CYB561D1: variants seen among roughly 807,000 people sequenced by gnomAD.
CYB561D1 encodes the protein probable transmembrane reductase CYB561D1.
A neutral mutation model predicts 19.2 loss-of-function variants in CYB561D1; 15 were observed. The observed-to-expected ratio is 0.78, with a 90% CI of 0.52 to 1.20. The LOEUF (loss-of-function observed/expected upper bound fraction) is 1.20. Among genes scored for constraint, CYB561D1 ranks in the 50% most tolerant of loss-of-function variants. The probability of loss-of-function intolerance (pLI) is 0.00; values close to 1 mark genes in which losing one functional copy is unlikely to be tolerated. For missense variants in CYB561D1, 297 were observed against 287.3 expected (o/e 1.03, Z -0.24); for synonymous variants, 133 against 120.6 (o/e 1.10, Z -0.68).
chr1:109,496,144 C>A lies in CYB561D1; in HGVS notation c.575C>A (p.Ala192Asp), dbSNP rs1657548264. ...GGCATGTACTCAGTATGGTTCCAGG[C>A]CCAGATCAAAGGTGCGGCCTGGTAC... ...LLGMYSVWFQAQIKGAAWYLC... is the reference protein window; with the variant it reads ...LLGMYSVWFQDQIKGAAWYLC... The change falls in exon 3 of 3, where the codon GCC becomes GAC. Residue 192 changes from alanine to aspartate, a missense_variant. Transcript: ENST00000420578. 2 of 1,614,092 alleles carry A rather than the reference C, an allele frequency of 1.2e-6. No homozygotes were observed. The highest frequency in any genetic ancestry group is 1.7e-6 in the Non-Finnish European group (2 of 1,179,928).
chr1:109,494,710 GC>G, intron 1 of CYB561D1: 3 of 642,828 alleles, frequency 4.7e-6, no homozygotes, highest in Non-Finnish European at 4.6e-6. Context: ...GATGGCGCGC[GC>G]CTGTAGTTCC....
intron 1 of CYB561D1, chr1:109,494,564 C>T: frequency 6.9e-7 from 1 of 1,441,552 alleles, no homozygotes; most frequent in South Asian, 1.2e-5. Context: ...AGGCCGGGCG[C>T]GGTGGGTCAT....
rs1229817662 is a variant in CYB561D1 at position 109,494,177 on chromosome 1, C to T, written c.38C>T (p.Ala13Val). The T allele has an allele frequency of 1.3e-6, 2 of 1,550,586 alleles. No homozygotes were observed. The highest frequency in any genetic ancestry group is 4.9e-5 in the East Asian group (2 of 41,094). ...GAGGTAGGTCTGGTTCCCGCTCCAG[C>T]TGGGGAGCCGAGACTGACCCGCTGG... is the stretch of plus-strand genomic sequence containing the variant. ...PLEVGLVPAP[A>V]GEPRLTRWLR... Residue 13 changes from alanine to valine, a missense_variant, in exon 1 of 3, where the codon GCT becomes GTT. Coordinates refer to ENST00000420578, the MANE Select transcript of CYB561D1 (RefSeq NM_182580.3).
chr1:109,495,264 C>G, intron 2 of CYB561D1, 84 bp downstream of exon 2: 1 of 1,491,914 alleles, frequency 6.7e-7, no homozygotes, highest in Non-Finnish European at 9.3e-7. Context: ...GAAAGCTCAG[C>G]CTTTCTAAGG....
Position 109,494,273 on chromosome 1 carries a change from C to T in CYB561D1, c.134C>T (p.Ser45Phe). The T allele has an allele frequency of 6.3e-7, 1 of 1,588,698 alleles. No homozygotes were observed. Among genetic ancestry groups the T allele is most frequent in the South Asian group, 1.1e-5 (1 of 87,292 alleles). ...TTCACCATCTTTCTGACAGCGCTGT[C>T]CCGGCCAGGAACCAGTGAGTGTGCG... ...LGFTIFLTAL[S>F]RPGTSLFSWH... Residue 45 changes from serine (S) to phenylalanine (F), a missense_variant, in exon 1 of 3, where the codon TCC (serine) becomes TTC (phenylalanine). Ser to Phe is a radical substitution (Grantham distance 155). Coordinates refer to ENST00000420578, the MANE Select transcript of CYB561D1 (RefSeq NM_182580.3).
intron 1 of CYB561D1, 153 bp downstream of exon 1, chr1:109,494,440 C>T (rs1657371174): frequency 8.4e-6 from 13 of 1,547,268 alleles, no homozygotes; most frequent in Non-Finnish European, 1.1e-5. Flanking sequence ...GGGGCGGGGC[C>T]CCAGGGATCC....
Position 109,496,353 on chromosome 1 carries a change from GTTTT to G in CYB561D1, c.*95_*98del. ...AGGGATCTATTTAAGAAGTGGTCAG[GTTTT>G]CGCACTTCTTGGCTGGTCCAGGGAC... On this transcript the variant is annotated 3_prime_UTR_variant, in exon 3 of 3. Transcript: ENST00000420578. 8 of 1,425,100 alleles carry G rather than the reference GTTTT, an allele frequency of 5.6e-6. No individual in the cohort carries two copies. In the Admixed American group the frequency reaches 9.6e-5, roughly 17 times the overall value. The allele number at this position is 1,425,100 out of a possible 1,614,324, so 88.3% of individuals were successfully genotyped here.
rs552467462 is a variant in CYB561D1, at chr1:109,496,610, G to A, written c.*351G>A. 5.3e-4 allele frequency: 102 copies of A among 193,344 alleles called. No individual in the cohort carries two copies. Among genetic ancestry groups the A allele is most frequent in the African/African-American group, 2.2e-3 (95 of 42,664 alleles). The allele number at this position is 193,344 out of a possible 1,614,324, so 12.0% of individuals were successfully genotyped here. A position where few individuals can be genotyped will look rare whatever the true frequency, so the allele number is the denominator to read the frequency against. On this transcript the variant is annotated 3_prime_UTR_variant, in exon 3 of 3. Transcript: ENST00000420578. Reference sequence around the variant, plus strand: ...ATGAATGGCATCCAGGGATATTTGGGTTACTTTTAAGAAAGCAGTGTGATG... The same window carrying A: ...ATGAATGGCATCCAGGGATATTTGGATTACTTTTAAGAAAGCAGTGTGATG...
rs1288220706 is a variant in CYB561D1 at position 109,494,104 on chromosome 1, G to C, written c.-36G>C. ...GATCGCAAACCCGGAAGACGTGTTC[G>C]GGCAGCTGGAGTGTACGGGCCCGCG... On this transcript the variant is annotated 5_prime_UTR_variant, in exon 1 of 3. Coordinates refer to ENST00000420578, the MANE Select transcript of CYB561D1 (RefSeq NM_182580.3). 3.5e-6 allele frequency: 5 copies of C among 1,410,052 alleles called. No homozygotes were observed. Among genetic ancestry groups the C allele is most frequent in the Admixed American group, 3.3e-5 (1 of 30,390 alleles). 87.3% of individuals were successfully genotyped at this position (1,410,052 alleles called of 1,614,324 possible).
At chr1:109,495,624 G>A (rs1202353916) in intron 2 of CYB561D1, 132 bp from the exon 3 acceptor site, 2 of 1,530,042 alleles carry the variant, frequency 1.3e-6, no homozygotes, top group Non-Finnish European at 8.8e-7. Context: ...TGAGCTGTGA[G>A]GCTGGTGGTC....
intron 2 of CYB561D1, 152 bp from the exon 3 acceptor site, chr1:109,495,604 C>A: frequency 6.8e-7 from 1 of 1,461,646 alleles, no homozygotes; most frequent in Non-Finnish European, 9.2e-7. Context: ...CCAAATGTTC[C>A]CAGAAATGTT....
At position 109,498,248 on chromosome 1, in the gene CYB561D1, T is replaced by TGGGCGGGCGGGCAGGC. The variant is rs1657684310; in HGVS notation, c.*1991_*2006dup. On this transcript the variant is annotated 3_prime_UTR_variant, in exon 3 of 3. Transcript: ENST00000420578. ...TCCTCCCAGGTGGTGCGGGGGCTGG[T>TGGGCGGGCGGGCAGGC]GGGCGGGCGGGCAGGCGTGCTGACA... 7.9e-6 allele frequency: 1 copy of TGGGCGGGCGGGCAGGC among 126,666 alleles called. No individual in the cohort carries two copies. The highest frequency in any genetic ancestry group is 1.7e-5 in the Non-Finnish European group (1 of 60,172). 7.8% of individuals were successfully genotyped at this position (126,666 alleles called of 1,614,324 possible). A position where few individuals can be genotyped will look rare whatever the true frequency, so the allele number is the denominator to read the frequency against.
In CYB561D1 at chr1:109,500,029, G is replaced by A. The variant is rs1447033528; in HGVS notation, c.*3770G>A. The A allele has an allele frequency of 2.0e-5, 3 of 152,326 alleles. No homozygotes were observed. The highest frequency in any genetic ancestry group is 7.2e-5 in the African/African-American group (3 of 41,466). The allele number at this position is 152,326 out of a possible 1,614,324, so 9.4% of individuals were successfully genotyped here. A position where few individuals can be genotyped will look rare whatever the true frequency, so the allele number is the denominator to read the frequency against. On this transcript the variant is annotated 3_prime_UTR_variant, in exon 3 of 3. Coordinates refer to ENST00000420578, the MANE Select transcript of CYB561D1 (RefSeq NM_182580.3). ...AGTGTATGCTAGGCTGAGACCTATG[G>A]TGGTGGCAGGGGTGGCTGTTGAGCC...
rs777183286 is a variant in CYB561D1 at position 109,495,857 on chromosome 1, G to A, written c.288G>A (p.Gly96=). 1.2e-6 allele frequency: 2 copies of A among 1,613,806 alleles called. No homozygotes were observed. The highest frequency in any genetic ancestry group is 1.7e-6 in the Non-Finnish European group (2 of 1,180,040). ...RKARIRLHWA[G]QTLAILCAAL... is the part of the protein sequence containing the mutation. ...CACGGATCCGGCTCCACTGGGCAGG[G>A]CAGACCCTAGCCATCCTCTGTGCAG... is the stretch of plus-strand genomic sequence containing the variant. The change falls in exon 3 of 3, where the codon GGG becomes GGA. Residue 96 remains glycine, a synonymous_variant. Coordinates refer to ENST00000420578, the MANE Select transcript of CYB561D1 (RefSeq NM_182580.3).
In CYB561D1 at chr1:109,494,162, T is replaced by G. The variant is rs1352770610; in HGVS notation, c.23T>G (p.Leu8Arg). 6.5e-7 allele frequency: 1 copy of G among 1,542,278 alleles called. No individual in the cohort carries two copies. Among genetic ancestry groups the G allele is most frequent in the Admixed American group, 2.0e-5 (1 of 50,378 alleles). ...GCCATGCAGCCCCTGGAGGTAGGTC[T>G]GGTTCCCGCTCCAGCTGGGGAGCCG... MQPLEVG[L>R]VPAPAGEPRL... The change falls in exon 1 of 3, where the codon CTG (leucine) becomes CGG (arginine). Residue 8 changes from leucine to arginine, a missense_variant. Coordinates refer to ENST00000420578, the MANE Select transcript of CYB561D1 (RefSeq NM_182580.3).
chr1:109,495,422 G>A (rs902915946), intron 2 of CYB561D1, among the ~76,000 whole-genome samples: 1 of 152,166 alleles, frequency 6.6e-6, no homozygotes, highest in Non-Finnish European at 1.5e-5. Flanking sequence ...CATTGGGGCC[G>A]GAAAGGAGAA....
chr1:109,494,346 G>A, intron 1 of CYB561D1, 59 bp downstream of exon 1: 2 of 1,523,792 alleles, frequency 1.3e-6, no homozygotes, highest in Non-Finnish European at 1.8e-6. Context: ...GAGGGGCAGC[G>A]CTTGGGAGCC....
rs1164361737 is a variant in CYB561D1, at chr1:109,496,402, A to G, written c.*143A>G. ...AGGGACTGCAGAAACCAAAGCTGCTATTGTTGAGGAATAATTCAGTGGGTC... is the reference window on the plus strand; with the variant it reads ...AGGGACTGCAGAAACCAAAGCTGCTGTTGTTGAGGAATAATTCAGTGGGTC... On this transcript the variant is annotated 3_prime_UTR_variant, in exon 3 of 3. Transcript: ENST00000420578. The G allele has an allele frequency of 1.8e-5, 16 of 892,492 alleles. No individual in the cohort carries two copies. The South Asian group carries it at 1.9e-4, about 11-fold the overall frequency. The allele number at this position is 892,492 out of a possible 1,614,324, so 55.3% of individuals were successfully genotyped here. A position where few individuals can be genotyped will look rare whatever the true frequency, so the allele number is the denominator to read the frequency against.
chr1:109,494,477 G>A lies in CYB561D1; in HGVS notation c.148+190G>A, dbSNP rs369789781. 3.2e-6 allele frequency: 5 copies of A among 1,547,356 alleles called. No homozygotes were observed. The African/African-American group carries it at 6.8e-5, about 21-fold the overall frequency. The stretch of plus-strand genomic sequence containing the variant: ...GGAATAATGGGGTTTTGGGTGCTGT[G>A]GGGGAAGGGCAGACGATTGAACAGA... On this transcript the variant is annotated intron_variant, in intron 1 of 2. Transcript: ENST00000420578.
Sources: allele counts gnomAD v4.1 joint callset (sites outside exome capture counted in the v4.1 genomes callset), GRCh38; gene constraint gnomAD v4.1.1; transcripts MANE v1.5; gene names NCBI Gene and HGNC (gene_info 2026-07-23, HGNC 2026-07-21).